Variants in PLS1 observed in about 807,000 individuals in gnomAD.
PLS1 encodes plastin-1.
Under a neutral mutation model 73.7 loss-of-function variants are expected in PLS1, and 32 were observed. That is an observed-to-expected ratio of 0.43 (90% CI 0.33 to 0.58). The LOEUF is 0.58. Among genes scored for constraint, PLS1 ranks in the 20% least tolerant of loss-of-function variants. The probability of loss-of-function intolerance (pLI) is 0.04; values close to 1 mark genes in which losing one functional copy is unlikely to be tolerated. For synonymous variants in PLS1, 217 were observed against 261.3 expected (o/e 0.83, Z 1.63); for missense variants, 633 against 740.5 (o/e 0.85, Z 1.68).
Position 142,676,059 on chromosome 3 carries a change from T to G in PLS1, c.365-98T>G. 3.4e-6 allele frequency: 3 copies of G among 891,674 alleles called. No individual in the cohort carries two copies. The South Asian group carries it at 5.3e-5, about 16-fold the overall frequency. The allele number at this position is 891,674 out of a possible 1,614,324, so 55.2% of individuals were successfully genotyped here. On this transcript the variant is annotated intron_variant, in intron 4 of 15. Transcript: ENST00000457734. ...TCAATTATTATCTTTGAGCAGAAAT[T>G]AACAAGTATGTTTTTGTAGTGCAAT...
At chr3:142,710,819 G>A (rs566468612) in intron 14 of PLS1, among the ~76,000 whole-genome samples, 50 of 152,246 alleles carry the variant, frequency 3.3e-4, no homozygotes, top group African/African-American at 1.1e-3. Flanking sequence ...TCTGCAGTGC[G>A]CTATTCACTA....
intron 1 of PLS1, among the ~76,000 whole-genome samples, chr3:142,628,811 C>G (rs1324396316): frequency 2.6e-5 from 4 of 152,196 alleles, no homozygotes; most frequent in African/African-American, 9.7e-5. Context: ...AAAAACCCAT[C>G]ACTTTGAAAC....
intron 2 of PLS1, among the ~76,000 whole-genome samples, chr3:142,665,915 A>G (rs764521155): frequency 6.6e-6 from 1 of 152,140 alleles, no homozygotes; most frequent in Non-Finnish European, 1.5e-5. Flanking sequence ...CCTTGATGGA[A>G]CAATTTTGAG....
chr3:142,656,055 T>C (rs2037229532), intron 1 of PLS1, among the ~76,000 whole-genome samples: 1 of 152,086 alleles, frequency 6.6e-6, no homozygotes, highest in South Asian at 2.1e-4. Context: ...TCCACCTCCC[T>C]GGTTCAAGCA....
At position 142,700,489 on chromosome 3, in the gene PLS1, A is replaced by AT. The variant is rs796247358; in HGVS notation, c.1371+2429dup. Among the ~76,000 whole-genome samples, 7 of 151,890 alleles carry AT rather than the reference A, an allele frequency of 4.6e-5. No individual in the cohort carries two copies. In the South Asian group the frequency reaches 1.3e-3, roughly 27 times the overall value. Reference sequence around the variant, plus strand: ...AGGCGCCCGCCACCACGCTCGGCTAATTTTTTTGTATTTTTAGTACAGACG... The same window carrying AT: ...AGGCGCCCGCCACCACGCTCGGCTAATTTTTTTTGTATTTTTAGTACAGACG... On this transcript the variant is annotated intron_variant, in intron 12 of 15. Transcript: ENST00000457734.
intron 14 of PLS1, among the ~76,000 whole-genome samples, chr3:142,705,166 TA>T (rs2038433432): frequency 6.6e-6 from 1 of 152,072 alleles, no homozygotes; most frequent in Non-Finnish European, 1.5e-5. Flanking sequence ...AATCTAATCT[TA>T]AAAAATAAAC....
chr3:142,695,750 AAGG>A (rs2038181139), intron 11 of PLS1, among the ~76,000 whole-genome samples: 1 of 148,480 alleles, frequency 6.7e-6, no homozygotes, highest in East Asian at 2.0e-4. Flanking sequence ...AGAGAATAGT[AAGG>A]AGACTTACTT....
At chr3:142,603,868 G>C (rs573004491) in intron 1 of PLS1, among the ~76,000 whole-genome samples, 5 of 152,026 alleles carry the variant, frequency 3.3e-5, no homozygotes, top group Non-Finnish European at 7.4e-5. Flanking sequence ...AAAAAAAAAG[G>C]AGAAACTGTC....
intron 1 of PLS1, among the ~76,000 whole-genome samples, chr3:142,653,710 A>G (rs1440051212): frequency 6.6e-6 from 1 of 152,136 alleles, no homozygotes; most frequent in Non-Finnish European, 1.5e-5. Context: ...TATATGCTGA[A>G]TAACTCCTAT....
chr3:142,630,429 A>C (rs937112464), intron 1 of PLS1, among the ~76,000 whole-genome samples: 5 of 150,702 alleles, frequency 3.3e-5, no homozygotes, highest in African/African-American at 1.2e-4. Context: ...TCAAAAAAAA[A>C]AAAAAAAAAA....
chr3:142,630,420 CA>C (rs71153980), intron 1 of PLS1, among the ~76,000 whole-genome samples: 30,790 of 109,446 alleles, frequency 0.28, 3,130 homozygotes, highest in East Asian at 0.49. Flanking sequence ...GACCCTGCCT[CA>C]AAAAAAAAAA....
At chr3:142,599,335 T>C (rs2035872230) in intron 1 of PLS1, among the ~76,000 whole-genome samples, 1 of 142,794 alleles carries the variant, frequency 7.0e-6, no homozygotes, top group Non-Finnish European at 1.5e-5. Context: ...TTTTTTTTTT[T>C]TTTTTTTTTT....
chr3:142,654,696 A>G (rs1282582745), intron 1 of PLS1: 1 of 152,234 alleles, frequency 6.6e-6, no homozygotes, highest in Non-Finnish European at 1.5e-5. Flanking sequence ...CACCATGTAT[A>G]AACATGTGGA....
intron 1 of PLS1, among the ~76,000 whole-genome samples, chr3:142,630,420 C>CAA (rs71153980): frequency 1.8e-5 from 2 of 110,342 alleles, no homozygotes; most frequent in Non-Finnish European, 3.6e-5. Flanking sequence ...GACCCTGCCT[C>CAA]AAAAAAAAAA....
chr3:142,692,865 TAGAG>T lies in PLS1; in HGVS notation c.1178-1602_1178-1599del, dbSNP rs1457460159. ...TATATATATATATCTTTATGATAGA[TAGAG>T]AAACAACTGAGAGGTAAATCCAAAT... On this transcript the variant is annotated intron_variant, in intron 10 of 15. Transcript: ENST00000457734. Among the ~76,000 whole-genome samples, 7 of 152,108 alleles carry T rather than the reference TAGAG, an allele frequency of 4.6e-5. No individual in the cohort carries two copies. In the East Asian group the frequency reaches 5.8e-4, roughly 13 times the overall value.
intron 1 of PLS1, among the ~76,000 whole-genome samples, chr3:142,650,791 T>C (rs1464422318): frequency 6.6e-6 from 1 of 152,186 alleles, no homozygotes; most frequent in Non-Finnish European, 1.5e-5. Context: ...GATGGGGACT[T>C]GGGTAATACT....
chr3:142,707,459 ATTGT>A (rs2038486819), intron 14 of PLS1, among the ~76,000 whole-genome samples: 2 of 152,236 alleles, frequency 1.3e-5, no homozygotes, highest in Non-Finnish European at 2.9e-5. Context: ...CACTTTACAC[ATTGT>A]TTAATTTTCT....
chr3:142,633,654 C>A (rs2036614435), intron 1 of PLS1, among the ~76,000 whole-genome samples: 1 of 146,840 alleles, frequency 6.8e-6, no homozygotes, highest in East Asian at 2.0e-4. Flanking sequence ...GAAACTCCAT[C>A]TCAAACAAAC....
At chr3:142,682,439 G>A (rs974508706) in intron 6 of PLS1, among the ~76,000 whole-genome samples, 1 of 152,202 alleles carries the variant, frequency 6.6e-6, no homozygotes, top group African/African-American at 2.4e-5. Context: ...GCAGTAAGAT[G>A]TGGTTTTGTT....
Sources: allele counts gnomAD v4.1 joint callset (sites outside exome capture counted in the v4.1 genomes callset), GRCh38; gene constraint gnomAD v4.1.1; transcripts MANE v1.5; gene names NCBI Gene and HGNC (gene_info 2026-07-23, HGNC 2026-07-21).